Variants in NUP98 observed in about 807,000 individuals in gnomAD.
NUP98 encodes the protein nuclear pore complex protein Nup98-Nup96.
NUP98 carries 26 observed loss-of-function variants against 191.9 expected under a neutral mutation model. The ratio of observed to expected loss-of-function variants is 0.14; its 90% CI spans 0.10 to 0.19. The LOEUF is 0.19. Ranked by LOEUF, NUP98 falls within the 10% of genes least tolerant of loss-of-function variation. NUP98 has a pLI of 1.00. For synonymous variants in NUP98, 808 were observed against 778.4 expected, an observed-to-expected ratio of 1.04 and a Z score of -0.63; for missense variants, 1,941 against 2,178.8, an observed-to-expected ratio of 0.89 and a Z score of 2.17.
intron 29 of NUP98, among the ~76,000 whole-genome samples, chr11:3,684,290 T>C (rs1370584981): frequency 2.7e-5 from 4 of 148,944 alleles, no homozygotes; most frequent in African/African-American, 9.9e-5. Context: ...TTCAAAAAGT[T>C]GGGGCTTGGC....
chr11:3,735,093 G>T, intron 13 of NUP98, 98 bp downstream of exon 13: 1 of 1,096,060 alleles, frequency 9.1e-7, no homozygotes, highest in Non-Finnish European at 1.2e-6. Context: ...ACCTAGCTTT[G>T]CTTAATCCCT....
intron 14 of NUP98, among the ~76,000 whole-genome samples, chr11:3,730,059 T>A (rs1292354962): frequency 6.6e-6 from 1 of 151,516 alleles, no homozygotes; most frequent in African/African-American, 2.4e-5. Flanking sequence ...CTGGCCAACA[T>A]GGCGAAACCC....
intron 29 of NUP98, among the ~76,000 whole-genome samples, chr11:3,685,482 A>C (rs559580074): frequency 1.9e-4 from 29 of 152,320 alleles, no homozygotes; most frequent in African/African-American, 6.3e-4. Context: ...TGTAATTCCT[A>C]AACATGCCAC....
Position 3,705,223 on chromosome 11 carries a change from T to C in NUP98, c.3059A>G (p.His1020Arg), listed in dbSNP as rs770547540. The change falls in exon 22 of 33, where the codon CAC (histidine) becomes CGC (arginine). Residue 1020 changes from histidine (H) to arginine (R), a missense_variant. This residue lies in a region of NUP98 where 1,030 missense variants were observed against 1,115.8 expected (regional missense o/e 0.92). Coordinates refer to ENST00000324932, the MANE Select transcript of NUP98 (RefSeq NM_016320.5). ...ACCTAGTGAACGAGTTTTCGACGAG[T>C]GGGATGCTGAAATGGGGAGTCTGGG... The part of the protein sequence containing the change: ...CSPRLPISAS[H>R]SSKTRSLVGG... 6.2e-7 allele frequency: 1 copy of C among 1,613,982 alleles called. No homozygotes were observed. Among genetic ancestry groups the C allele is most frequent in the Non-Finnish European group, 8.5e-7 (1 of 1,179,990 alleles).
chr11:3,724,369 G>C (rs955361007), intron 15 of NUP98, among the ~76,000 whole-genome samples: 1 of 150,836 alleles, frequency 6.6e-6, no homozygotes, highest in Non-Finnish European at 1.5e-5. Context: ...ATTCACATCA[G>C]AGGATACAGT....
chr11:3,773,498 T>G (rs2081601626), intron 6 of NUP98, 134 bp downstream of exon 6: 1 of 492,670 alleles, frequency 2.0e-6, no homozygotes, highest in East Asian at 3.3e-5. Context: ...TAAAAATAAT[T>G]TGGTTAATGT....
At chr11:3,768,471 C>A in intron 8 of NUP98, 110 bp downstream of exon 8, 4 of 903,236 alleles carry the variant, frequency 4.4e-6, no homozygotes, top group Admixed American at 2.9e-5. Context: ...ATACCCTCAA[C>A]TCTTAAGATT....
rs549283929 is a variant in NUP98, at chr11:3,786,452, T to C, written c.-28-4307A>G. Among the ~76,000 whole-genome samples the C allele has an allele frequency of 7.2e-5, 11 of 152,326 alleles. No individual in the cohort carries two copies. The South Asian group carries it at 2.3e-3, about 32-fold the overall frequency. On this transcript the variant is annotated intron_variant, in intron 1 of 32. Transcript: ENST00000324932. ...TTTTCTTTATGAATGGACTTATTTA[T>C]ACCCACTGCAGGTTTTTCTTTTTGA...
chr11:3,746,637 G>A (rs758132012), intron 11 of NUP98, among the ~76,000 whole-genome samples: 27 of 151,824 alleles, frequency 1.8e-4, no homozygotes, highest in Non-Finnish European at 4.0e-4. Context: ...TGTGGGCTGG[G>A]CGCGGTGGCT....
intron 12 of NUP98, 59 bp downstream of exon 12, chr11:3,744,450 C>A: frequency 6.5e-7 from 1 of 1,532,002 alleles, no homozygotes; most frequent in Non-Finnish European, 8.8e-7. Context: ...GATGGAAAAT[C>A]AGGTCAGCAA....
At chr11:3,732,547 G>A (rs549895827) in intron 13 of NUP98, among the ~76,000 whole-genome samples, 2 of 152,218 alleles carry the variant, frequency 1.3e-5, no homozygotes, top group Non-Finnish European at 2.9e-5. Context: ...GAAAAAAAAG[G>A]CAGATACTAG....
chr11:3,697,828 A>G (rs1261123961), intron 25 of NUP98, among the ~76,000 whole-genome samples: 1 of 133,072 alleles, frequency 7.5e-6, no homozygotes, highest in African/African-American at 2.7e-5. Flanking sequence ...CTTAAAAAAA[A>G]AAAAAAAAAA....
At chr11:3,718,176 C>T (rs1156277638) in intron 18 of NUP98, among the ~76,000 whole-genome samples, 1 of 152,120 alleles carries the variant, frequency 6.6e-6, no homozygotes, top group African/African-American at 2.4e-5. Flanking sequence ...GTAGAATTCA[C>T]CAATGAGGCC....
intron 11 of NUP98, among the ~76,000 whole-genome samples, chr11:3,746,294 AGACAGCTTTGGG>A (rs2080498129): frequency 5.6e-4 from 52 of 93,080 alleles, no homozygotes; most frequent in African/African-American, 1.8e-3. Flanking sequence ...AAAAAAAAAA[AGACAGCTTTGGG>A]ACAAAGAATA....
At chr11:3,714,437 T>A (rs2079112629) in intron 18 of NUP98, among the ~76,000 whole-genome samples, 1 of 152,198 alleles carries the variant, frequency 6.6e-6, no homozygotes, top group Non-Finnish European at 1.5e-5. Context: ...TGAAGATGAC[T>A]ACAAGAGTGG....
chr11:3,709,736 GC>G (rs1174144643), intron 20 of NUP98, among the ~76,000 whole-genome samples: 1 of 144,782 alleles, frequency 6.9e-6, no homozygotes, highest in Non-Finnish European at 1.5e-5. Flanking sequence ...TTCTGAGCAA[GC>G]CAATTAGCCT....
At chr11:3,697,820 TAAAAAAAAAAAAA>T (rs199874258) in intron 25 of NUP98, among the ~76,000 whole-genome samples, 13 of 97,158 alleles carry the variant, frequency 1.3e-4, no homozygotes, top group Admixed American at 1.1e-3. Flanking sequence ...GACTCTGTCT[TAAAAAAAAAAAAA>T]AAAAAAAAAA....
chr11:3,757,866 T>C (rs1435831803), intron 10 of NUP98, among the ~76,000 whole-genome samples: 1 of 152,142 alleles, frequency 6.6e-6, no homozygotes, highest in African/African-American at 2.4e-5. Context: ...AAGAGCTTTA[T>C]TAAAAACACA....
intron 2 of NUP98, among the ~76,000 whole-genome samples, chr11:3,780,344 C>T (rs1224753028): frequency 1.4e-5 from 2 of 144,564 alleles, no homozygotes. Context: ...TCCTGGCTAA[C>T]ACGGTGAAAC....
Sources: allele counts gnomAD v4.1 joint callset (sites outside exome capture counted in the v4.1 genomes callset), GRCh38; gene constraint gnomAD v4.1.1; regional missense constraint gnomAD v4.1.1; transcripts MANE v1.5; gene names NCBI Gene and HGNC (gene_info 2026-07-23, HGNC 2026-07-21).